The following PSD3 variants were observed in gnomAD, a reference collection of about 807,000 sequenced individuals.
PSD3 encodes the protein PH and SEC7 domain-containing protein 3.
In PSD3, 49 loss-of-function variants were observed where a neutral mutation model predicts 105.5. That is an observed-to-expected ratio of 0.46 (90% CI 0.37 to 0.59). The LOEUF is 0.59. Among genes scored for constraint, PSD3 ranks in the 20% least tolerant of loss-of-function variants. The probability of loss-of-function intolerance (pLI) is 0.00; values close to 1 mark genes in which losing one functional copy is unlikely to be tolerated. For synonymous variants in PSD3, 557 were observed against 457.8 expected, an observed-to-expected ratio of 1.22 and a Z score of -2.77; for missense variants, 1,561 against 1,263.8, an observed-to-expected ratio of 1.24 and a Z score of -3.57.
intron 8 of PSD3, among the ~76,000 whole-genome samples, chr8:18,787,159 C>T (rs958207305): frequency 2.0e-5 from 3 of 152,214 alleles, no homozygotes; most frequent in Non-Finnish European, 4.4e-5. Flanking sequence ...CATACACTAT[C>T]ACAGTTCCAT....
intron 9 of PSD3, among the ~76,000 whole-genome samples, chr8:18,690,990 A>T (rs1267896553): frequency 2.0e-5 from 3 of 151,706 alleles, no homozygotes; most frequent in Non-Finnish European, 4.4e-5. Context: ...CACTATAAGA[A>T]TTGGCGGTTA....
At chr8:19,046,234 C>T (rs141568052) in intron 1 of PSD3, among the ~76,000 whole-genome samples, 1,891 of 152,198 alleles carry the variant, frequency 0.012, 27 homozygotes, top group Admixed American at 0.022. Context: ...GCCTCAGCCT[C>T]CAGAGTAGCT....
At chr8:18,708,924 C>A (rs180737779) in intron 9 of PSD3, among the ~76,000 whole-genome samples, 1 of 152,300 alleles carries the variant, frequency 6.6e-6, no homozygotes, top group East Asian at 1.9e-4. Context: ...GGAGAGTGAT[C>A]ATACTACCCC....
At chr8:18,825,002 T>C (rs76487780) in intron 4 of PSD3, among the ~76,000 whole-genome samples, 11,684 of 152,206 alleles carry the variant, frequency 0.077, 1,242 homozygotes, top group African/African-American at 0.23. Flanking sequence ...AATACACACA[T>C]ACAATGTTTT....
rs531615353 is a variant in PSD3, at chr8:19,051,877, G to A, written c.324+32329C>T. 2.0e-5 allele frequency among the ~76,000 whole-genome samples: 3 copies of A among 152,332 alleles called. No individual in the cohort carries two copies. In the East Asian group the frequency reaches 5.8e-4, roughly 29 times the overall value. On this transcript the variant is annotated intron_variant, in intron 1 of 1. Transcript: ENST00000521475. ...TACAGGAGTAAGATCTCTTAGCTCAGGCGTGAAGAAATTCAGAGCACAGGT... is the reference window on the plus strand; with the variant it reads ...TACAGGAGTAAGATCTCTTAGCTCAAGCGTGAAGAAATTCAGAGCACAGGT...
At chr8:18,790,833 A>G (rs746344069) in intron 8 of PSD3, among the ~76,000 whole-genome samples, 9 of 151,914 alleles carry the variant, frequency 5.9e-5, no homozygotes, top group Non-Finnish European at 1.3e-4. Flanking sequence ...TCAGGTAAAA[A>G]CATAGACCAA....
intron 10 of PSD3, among the ~76,000 whole-genome samples, chr8:18,647,182 C>T (rs150496741): frequency 1.3e-5 from 2 of 152,132 alleles, no homozygotes; most frequent in African/African-American, 2.4e-5. Context: ...CCTGAAAAGA[C>T]CAGTCATGAC....
intron 2 of PSD3, among the ~76,000 whole-genome samples, chr8:18,904,904 T>G (rs1045641654): frequency 1.3e-5 from 2 of 152,240 alleles, no homozygotes; most frequent in East Asian, 1.9e-4. Flanking sequence ...TTTGCCAATC[T>G]TTCCTTTAAC....
chr8:18,821,872 CCACACACA>C (rs5889830), intron 4 of PSD3, among the ~76,000 whole-genome samples: 63 of 137,368 alleles, frequency 4.6e-4, no homozygotes, highest in East Asian at 6.9e-4. Context: ...TGCACACACA[CCACACACA>C]CACACACACA....
chr8:18,987,630 C>A (rs1825576157), intron 1 of PSD3, among the ~76,000 whole-genome samples: 1 of 151,788 alleles, frequency 6.6e-6, no homozygotes, highest in South Asian at 2.1e-4. Flanking sequence ...CCACCCTGGG[C>A]AACACAGTGA....
rs893199848 is a variant in PSD3, at chr8:19,023,370, T to G, written c.324+60836A>C. On this transcript the variant is annotated intron_variant, in intron 1 of 1. Coordinates refer to the PSD3 transcript ENST00000521475. ...TCAAGTGTTCAGTAGCCATAGGTAG[T>G]TAGTGGCTACTGAATATAGCCACTA... Among the ~76,000 whole-genome samples the G allele has an allele frequency of 5.4e-4, 82 of 152,160 alleles. 1 individual carries two copies. Among genetic ancestry groups the G allele is most frequent in the Middle Eastern group, 3.4e-3 (1 of 294 alleles).
intron 2 of PSD3, among the ~76,000 whole-genome samples, chr8:18,890,683 C>T (rs893334396): frequency 6.6e-6 from 1 of 152,076 alleles, no homozygotes; most frequent in African/African-American, 2.4e-5. Context: ...CACCTGCAAA[C>T]CTCTATAATT....
intron 9 of PSD3, among the ~76,000 whole-genome samples, chr8:18,687,503 A>G (rs1224610326): frequency 1.3e-5 from 2 of 152,028 alleles, no homozygotes; most frequent in African/African-American, 2.4e-5. Context: ...TTTTTCTGAA[A>G]AAATGAATAC....
chr8:19,081,733 T>C (rs1225377244), intron 1 of PSD3, among the ~76,000 whole-genome samples: 1 of 152,180 alleles, frequency 6.6e-6, no homozygotes, highest in Non-Finnish European at 1.5e-5. Flanking sequence ...GATTTTTTAC[T>C]ATGGAGCCTG....
intron 9 of PSD3, among the ~76,000 whole-genome samples, chr8:18,763,372 G>C (rs1347858332): frequency 2.0e-5 from 3 of 152,226 alleles, no homozygotes; most frequent in East Asian, 3.9e-4. Flanking sequence ...GGCAAAGAAA[G>C]AGAGAATGAC....
chr8:18,936,723 A>C (rs1586472272), intron 1 of PSD3, among the ~76,000 whole-genome samples: 1 of 151,038 alleles, frequency 6.6e-6, no homozygotes, highest in Non-Finnish European at 1.5e-5. Flanking sequence ...GTGCCACTGC[A>C]CTCCAGCCTG....
intron 2 of PSD3, among the ~76,000 whole-genome samples, chr8:18,885,631 C>G (rs1337059720): frequency 2.0e-5 from 3 of 152,266 alleles, no homozygotes; most frequent in East Asian, 3.9e-4. Context: ...GTAGCAGACT[C>G]AGGACTCAGC....
At chr8:18,539,650 C>G (rs181568894) in intron 15 of PSD3, among the ~76,000 whole-genome samples, 15 of 150,632 alleles carry the variant, frequency 1.0e-4, no homozygotes, top group Non-Finnish European at 1.5e-4. Flanking sequence ...TGGGTTCAAG[C>G]AATTCCCCTG....
At chr8:18,685,311 G>GT (rs1235918205) in intron 9 of PSD3, among the ~76,000 whole-genome samples, 1 of 152,064 alleles carries the variant, frequency 6.6e-6, no homozygotes, top group Non-Finnish European at 1.5e-5. Flanking sequence ...TTAATGTCAG[G>GT]TAACTGTTTC....
Sources: allele counts gnomAD v4.1 joint callset (sites outside exome capture counted in the v4.1 genomes callset), GRCh38; gene constraint gnomAD v4.1.1; transcripts MANE v1.5; gene names NCBI Gene and HGNC (gene_info 2026-07-23, HGNC 2026-07-21).